Variants in EBF1 observed in about 807,000 individuals in gnomAD.
EBF1 encodes the protein transcription factor COE1.
Under a neutral mutation model 68.4 loss-of-function variants are expected in EBF1, and 10 were observed. That is an observed-to-expected ratio of 0.15 (90% CI 0.09 to 0.25). The LOEUF is 0.25. Ranked by LOEUF, EBF1 falls within the 10% of genes least tolerant of loss-of-function variation. The pLI is 1.00. For missense variants in EBF1, 509 were observed against 794.4 expected, an observed-to-expected ratio of 0.64 and a Z score of 4.32; for synonymous variants, 298 against 299.8, an observed-to-expected ratio of 0.99 and a Z score of 0.06.
intron 6 of EBF1, among the ~76,000 whole-genome samples, chr5:158,888,726 CCTT>C (rs1800544521): frequency 6.6e-6 from 1 of 151,904 alleles, no homozygotes; most frequent in South Asian, 2.1e-4. Context: ...TGAATTTACT[CCTT>C]CATATCTCCA....
At chr5:159,088,751 A>G (rs1197889678) in intron 4 of EBF1, among the ~76,000 whole-genome samples, 6 of 152,280 alleles carry the variant, frequency 3.9e-5, no homozygotes, top group South Asian at 4.1e-4. Flanking sequence ...AAATAAATCA[A>G]TGTGTTTATC....
At chr5:159,098,913 AAAGG>A (rs1016084985) in intron 1 of EBF1, among the ~76,000 whole-genome samples, 5 of 151,922 alleles carry the variant, frequency 3.3e-5, no homozygotes, top group Admixed American at 6.5e-5. Flanking sequence ...AAAGAAAGAA[AAAGG>A]AAGGAAGGAA....
chr5:158,973,715 T>C (rs932593011), intron 6 of EBF1, among the ~76,000 whole-genome samples: 1 of 152,236 alleles, frequency 6.6e-6, no homozygotes, highest in African/African-American at 2.4e-5. Context: ...AAATATTTCT[T>C]GGTTGAATGA....
rs144483309 is a variant in EBF1, at chr5:158,735,947, G to A, written c.1037-4790C>T. On this transcript the variant is annotated intron_variant, in intron 10 of 15. Transcript: ENST00000313708. ...TCCAAATGTGCATGCAGCATGAAAT[G>A]CTATATGCAAAGAAAATCGAGATAA... 5.5e-3 allele frequency among the ~76,000 whole-genome samples: 837 copies of A among 152,282 alleles called. 4 individuals carry two copies. Among genetic ancestry groups the A allele is most frequent in the Non-Finnish European group, 6.3e-3 (427 of 68,034 alleles).
intron 6 of EBF1, among the ~76,000 whole-genome samples, chr5:158,937,827 T>A (rs1403031945): frequency 6.6e-6 from 1 of 152,186 alleles, no homozygotes; most frequent in African/African-American, 2.4e-5. Flanking sequence ...CACGTCAAGA[T>A]GTATTTCATC....
chr5:158,717,351 T>A (rs1760953500), intron 11 of EBF1, among the ~76,000 whole-genome samples: 1 of 152,206 alleles, frequency 6.6e-6, no homozygotes, highest in Non-Finnish European at 1.5e-5. Flanking sequence ...AAGAGCTGGA[T>A]GTTTCATATA....
chr5:159,098,053 G>C (rs1584607859), intron 1 of EBF1, among the ~76,000 whole-genome samples: 1 of 152,364 alleles, frequency 6.6e-6, no homozygotes, highest in South Asian at 2.1e-4. Context: ...GTGGGGATGG[G>C]AACAGTGTTG....
At chr5:158,797,445 A>G (rs1184293729) in intron 8 of EBF1, among the ~76,000 whole-genome samples, 2 of 152,178 alleles carry the variant, frequency 1.3e-5, no homozygotes, top group African/African-American at 4.8e-5. Context: ...GCAACATCCT[A>G]AAGGGAGATA....
At chr5:159,098,885 AAAAG>A (rs1437984209) in intron 1 of EBF1, among the ~76,000 whole-genome samples, 10 of 149,866 alleles carry the variant, frequency 6.7e-5, no homozygotes, top group African/African-American at 2.5e-5. Flanking sequence ...AGGAAAGAAA[AAAAG>A]AAAGAAAAAG....
chr5:158,878,045 A>T (rs1023849070), intron 6 of EBF1, among the ~76,000 whole-genome samples: 3 of 151,854 alleles, frequency 2.0e-5, no homozygotes, highest in Non-Finnish European at 4.4e-5. Flanking sequence ...AAAACTTGTC[A>T]CTGCTCACGG....
chr5:158,910,330 C>A (rs1805683175), intron 6 of EBF1, among the ~76,000 whole-genome samples: 1 of 152,230 alleles, frequency 6.6e-6, no homozygotes, highest in South Asian at 2.1e-4. Context: ...AAAAGCATAA[C>A]TTTCTGTTAA....
chr5:158,967,535 C>A (rs779804314), intron 6 of EBF1, among the ~76,000 whole-genome samples: 22 of 152,098 alleles, frequency 1.4e-4, no homozygotes, highest in Non-Finnish European at 2.8e-4. Flanking sequence ...CATCCATATA[C>A]GTATCGAGTA....
chr5:158,797,362 G>A (rs1340977564), intron 8 of EBF1, among the ~76,000 whole-genome samples: 2 of 152,114 alleles, frequency 1.3e-5, no homozygotes, highest in Non-Finnish European at 1.5e-5. Context: ...GTGCACCTTC[G>A]TGCCACTGAG....
intron 6 of EBF1, among the ~76,000 whole-genome samples, chr5:158,988,657 G>C (rs531714272): frequency 6.6e-6 from 1 of 152,284 alleles, no homozygotes; most frequent in South Asian, 2.1e-4. Flanking sequence ...GTGATTCCAA[G>C]ATGCTTTAAA....
chr5:158,886,528 C>T (rs762857472), intron 6 of EBF1, among the ~76,000 whole-genome samples: 1 of 152,226 alleles, frequency 6.6e-6, no homozygotes, highest in Non-Finnish European at 1.5e-5. Context: ...CCCAAACCCT[C>T]TGTCTATCTT....
chr5:158,772,748 T>C (rs1581745877), intron 10 of EBF1, among the ~76,000 whole-genome samples: 1 of 152,130 alleles, frequency 6.6e-6, no homozygotes, highest in African/African-American at 2.4e-5. Context: ...AAACAATCCA[T>C]GGAAAATAGT....
At chr5:159,076,160 G>A (rs533747388) in intron 5 of EBF1, among the ~76,000 whole-genome samples, 2 of 151,648 alleles carry the variant, frequency 1.3e-5, no homozygotes, top group South Asian at 2.1e-4. Flanking sequence ...CATAGACTTC[G>A]TAGAGGAAGA....
chr5:158,969,386 C>T (rs1754846254), intron 6 of EBF1, among the ~76,000 whole-genome samples: 1 of 152,026 alleles, frequency 6.6e-6, no homozygotes, highest in Non-Finnish European at 1.5e-5. Context: ...TGCAGCAATC[C>T]CATGTGCCTT....
intron 7 of EBF1, among the ~76,000 whole-genome samples, chr5:158,834,406 C>T (rs1277925356): frequency 6.6e-6 from 1 of 152,050 alleles, no homozygotes; most frequent in African/African-American, 2.4e-5. Flanking sequence ...TTCCTCATAC[C>T]CACCAGTCCT....
Sources: allele counts gnomAD v4.1 joint callset (sites outside exome capture counted in the v4.1 genomes callset), GRCh38; gene constraint gnomAD v4.1.1; transcripts MANE v1.5; gene names NCBI Gene and HGNC (gene_info 2026-07-23, HGNC 2026-07-21).